The following FNDC3B variants were observed in gnomAD, a reference collection of about 807,000 sequenced individuals.
The protein encoded by FNDC3B is fibronectin type III domain containing 3B.
In FNDC3B, 12 loss-of-function variants were observed where a neutral mutation model predicts 151.5. The observed-to-expected ratio is 0.08, with a 90% CI of 0.05 to 0.13. The LOEUF (loss-of-function observed/expected upper bound fraction) is 0.13, where lower values mean the gene tolerates loss of function less well. FNDC3B is among the 10% of genes least tolerant of loss of function. The probability of loss-of-function intolerance (pLI) is 1.00; values close to 1 mark genes in which losing one functional copy is unlikely to be tolerated. For synonymous variants in FNDC3B, 528 were observed against 549.0 expected, an observed-to-expected ratio of 0.96 and a Z score of 0.54; for missense variants, 1,214 against 1,505.3, an observed-to-expected ratio of 0.81 and a Z score of 3.20.
chr3:172,357,031 T>G (rs1734129944), intron 22 of FNDC3B, among the ~76,000 whole-genome samples: 1 of 152,322 alleles, frequency 6.6e-6, no homozygotes, highest in African/African-American at 2.4e-5. Flanking sequence ...ATTATGTATA[T>G]GTATATATTT....
At chr3:172,189,241 G>A (rs1724375024) in intron 3 of FNDC3B, among the ~76,000 whole-genome samples, 1 of 152,174 alleles carries the variant, frequency 6.6e-6, no homozygotes, top group East Asian at 1.9e-4. Flanking sequence ...AAAATGTTCA[G>A]TCAAAATATT....
intron 22 of FNDC3B, among the ~76,000 whole-genome samples, chr3:172,359,080 A>G (rs1734243338): frequency 6.6e-6 from 1 of 151,870 alleles, no homozygotes; most frequent in Admixed American, 6.6e-5. Flanking sequence ...TCAGTGAAAG[A>G]TTAGAGAACC....
At chr3:172,178,622 C>T (rs905872491) in intron 3 of FNDC3B, among the ~76,000 whole-genome samples, 8 of 152,210 alleles carry the variant, frequency 5.3e-5, no homozygotes, top group East Asian at 1.9e-4. Flanking sequence ...GAGGGAAAAG[C>T]GAAAGAGCTG....
chr3:172,159,689 A>G (rs953290659), intron 3 of FNDC3B, among the ~76,000 whole-genome samples: 5 of 152,212 alleles, frequency 3.3e-5, no homozygotes, highest in African/African-American at 9.6e-5. Flanking sequence ...AATGAAGTCT[A>G]GATCTTTGGG....
chr3:172,296,819 C>A (rs1730636099), intron 8 of FNDC3B, among the ~76,000 whole-genome samples: 1 of 152,166 alleles, frequency 6.6e-6, no homozygotes, highest in African/African-American at 2.4e-5. Context: ...CAGACCAGAA[C>A]AATATTCACG....
chr3:172,084,472 T>TACACACACACAC (rs138156277), intron 1 of FNDC3B, among the ~76,000 whole-genome samples: 2,385 of 143,584 alleles, frequency 0.017, 34 homozygotes, highest in East Asian at 0.025. Context: ...TGTATATGTA[T>TACACACACACAC]ACACACACAC....
At chr3:172,055,854 C>T (rs1458746547) in intron 1 of FNDC3B, among the ~76,000 whole-genome samples, 2 of 151,900 alleles carry the variant, frequency 1.3e-5, no homozygotes, top group Admixed American at 1.3e-4. Flanking sequence ...GATCTCGGCT[C>T]ACTGCAAGCT....
intron 4 of FNDC3B, among the ~76,000 whole-genome samples, chr3:172,243,089 CTCTA>C (rs1388024066): frequency 2.0e-5 from 3 of 152,212 alleles, no homozygotes; most frequent in African/African-American, 7.2e-5. Flanking sequence ...AGTTCCTCAT[CTCTA>C]TCTGAGACCA....
At chr3:172,140,503 T>A (rs1721570905) in intron 3 of FNDC3B, among the ~76,000 whole-genome samples, 1 of 152,216 alleles carries the variant, frequency 6.6e-6, no homozygotes, top group East Asian at 1.9e-4. Context: ...TGCACAGCTA[T>A]TTGTTACAAG....
chr3:172,340,741 C>T lies in FNDC3B; in HGVS notation c.1853-372C>T, dbSNP rs551194167. ...AAGCCTCGTGGCCAAGAAGTAGCCC[C>T]GTGCCTGGCTGCCCCTGAGGCCTCC... On this transcript the variant is annotated intron_variant, in intron 16 of 25. Coordinates refer to ENST00000415807, the MANE Select transcript of FNDC3B (RefSeq NM_022763.4). Among the ~76,000 whole-genome samples the T allele has an allele frequency of 4.6e-5, 7 of 152,262 alleles. 1 individual carries two copies. Among genetic ancestry groups the T allele is most frequent in the East Asian group, 1.9e-4 (1 of 5,170 alleles).
intron 1 of FNDC3B, among the ~76,000 whole-genome samples, chr3:172,048,113 T>C (rs1055322801): frequency 1.3e-5 from 2 of 152,200 alleles, no homozygotes; most frequent in Non-Finnish European, 2.9e-5. Flanking sequence ...AAAAGATTTC[T>C]GGATATTTTA....
At chr3:172,134,419 A>T (rs1460789891) in intron 3 of FNDC3B, 1 of 517,882 alleles carries the variant, frequency 1.9e-6, no homozygotes, top group Non-Finnish European at 3.9e-6. Flanking sequence ...TATGGGGCAA[A>T]TGGTAAATGG....
intron 7 of FNDC3B, 143 bp downstream of exon 7, chr3:172,286,127 G>A: frequency 1.6e-6 from 1 of 631,398 alleles, no homozygotes; most frequent in South Asian, 1.9e-5. Flanking sequence ...ATAGTGTTCG[G>A]TTCAGTTATT....
intron 11 of FNDC3B, among the ~76,000 whole-genome samples, chr3:172,312,269 G>C (rs1731542645): frequency 1.3e-5 from 2 of 152,218 alleles, no homozygotes; most frequent in Admixed American, 6.5e-5. Context: ...ACAACCGTCT[G>C]TTGTTCTTAG....
At chr3:172,174,413 C>A (rs563102359) in intron 3 of FNDC3B, among the ~76,000 whole-genome samples, 1 of 152,282 alleles carries the variant, frequency 6.6e-6, no homozygotes, top group African/African-American at 2.4e-5. Flanking sequence ...TTAGCCTGAA[C>A]AACATGAAAA....
At chr3:172,228,778 G>A (rs1726723159) in intron 4 of FNDC3B, among the ~76,000 whole-genome samples, 1 of 152,162 alleles carries the variant, frequency 6.6e-6, no homozygotes, top group South Asian at 2.1e-4. Context: ...GCATGTGAAT[G>A]ACTAACTTCA....
intron 25 of FNDC3B, among the ~76,000 whole-genome samples, chr3:172,394,106 T>TTAAAAA (rs1736153949): frequency 6.0e-5 from 1 of 16,644 alleles, no homozygotes; most frequent in Non-Finnish European, 1.1e-4. Flanking sequence ...AGACTCCTTC[T>TTAAAAA]AAAAAAAAAA....
rs1420084656 is a variant in FNDC3B, at chr3:172,247,558, G to A, written c.290G>A (p.Arg97His). Reference sequence around the variant, plus strand: ...GTGATTGAAGATAGTACTGGAGTCCGCCGGGTGGTGGTCACACCCCAGTCT... The same window carrying A: ...GTGATTGAAGATAGTACTGGAGTCCACCGGGTGGTGGTCACACCCCAGTCT... ...SQVIEDSTGVRRVVVTPQSPE... is the reference protein window; with the variant it reads ...SQVIEDSTGVHRVVVTPQSPE... Residue 97 changes from arginine to histidine, a missense_variant, in exon 5 of 26, where the codon CGC becomes CAC. Arg to His is a conservative substitution (Grantham distance 29). This residue lies in a region of FNDC3B where 113 missense variants were observed against 177.8 expected (regional missense o/e 0.64). Coordinates refer to ENST00000415807, the MANE Select transcript of FNDC3B (RefSeq NM_022763.4). The A allele has an allele frequency of 3.7e-6, 6 of 1,613,732 alleles. No homozygotes were observed. The highest frequency in any genetic ancestry group is 1.1e-5 in the South Asian group (1 of 91,058).
chr3:172,058,381 AC>A (rs1717020981), intron 1 of FNDC3B, among the ~76,000 whole-genome samples: 1 of 152,050 alleles, frequency 6.6e-6, no homozygotes, highest in South Asian at 2.1e-4. Flanking sequence ...TTGCAGAGTT[AC>A]ATTTCCTAAT....
Sources: allele counts gnomAD v4.1 joint callset (sites outside exome capture counted in the v4.1 genomes callset), GRCh38; gene constraint gnomAD v4.1.1; regional missense constraint gnomAD v4.1.1; transcripts MANE v1.5; gene names NCBI Gene and HGNC (gene_info 2026-07-23, HGNC 2026-07-21).